The following RNF144B variants were observed in gnomAD, a reference collection of about 807,000 sequenced individuals.
RNF144B encodes the protein E3 ubiquitin-protein ligase RNF144B.
RNF144B carries 25 observed loss-of-function variants against 40.2 expected under a neutral mutation model. That is an observed-to-expected ratio of 0.62 (90% confidence interval 0.45 to 0.87). RNF144B has a LOEUF of 0.87. Ranked by LOEUF, RNF144B falls within the 40% of genes least tolerant of loss-of-function variation. RNF144B has a pLI of 0.00. For missense variants in RNF144B, 365 were observed against 373.7 expected, an observed-to-expected ratio of 0.98 and a Z score of 0.19; for synonymous variants, 145 against 136.3, an observed-to-expected ratio of 1.06 and a Z score of -0.44.
rs1162818357 is a variant in RNF144B at position 18,400,540 on chromosome 6, G to A, written c.165+841G>A. Among the ~76,000 whole-genome samples, 1 of 152,092 alleles carries A rather than the reference G, an allele frequency of 6.6e-6. No homozygotes were observed. The highest frequency in any genetic ancestry group is 1.5e-5 in the Non-Finnish European group (1 of 68,018). On this transcript the variant is annotated intron_variant, in intron 2 of 7. Coordinates refer to ENST00000259939, the MANE Select transcript of RNF144B (RefSeq NM_182757.4). This position sits in a 1 kb window ranked among gnomAD's most constrained non-coding sequence, Gnocchi z 5.6. ...TGCAGAAGTGGGCTTATCTCTTTTA[G>A]TGTGACACCTGGTATCAACACCTGT...
At chr6:18,429,860 C>T (rs36056149) in intron 3 of RNF144B, among the ~76,000 whole-genome samples, 18,261 of 152,036 alleles carry the variant, frequency 0.12, 1,311 homozygotes, top group Admixed American at 0.19. Context: ...CCAGGCTGGG[C>T]TGGAGAGGAG....
intron 2 of RNF144B, among the ~76,000 whole-genome samples, chr6:18,426,559 C>T (rs907665329): frequency 6.6e-6 from 1 of 152,212 alleles, no homozygotes; most frequent in African/African-American, 2.4e-5. Flanking sequence ...AACATCCAGA[C>T]ACAACAGGCA....
Position 18,419,174 on chromosome 6 carries a change from T to C in RNF144B, c.166-8407T>C, listed in dbSNP as rs1389111759. ...TGAATAGTAAGGCAGGCGAATGTTA[T>C]CTCTGAAGTTCCTTATCCTCTGTCC... On this transcript the variant is annotated intron_variant, in intron 2 of 7. Coordinates refer to ENST00000259939, the MANE Select transcript of RNF144B (RefSeq NM_182757.4). This position sits in a 1 kb window ranked among gnomAD's most constrained non-coding sequence, Gnocchi z 4.6. Among the ~76,000 whole-genome samples, 1 of 152,184 alleles carries C rather than the reference T, an allele frequency of 6.6e-6. No homozygotes were observed. Among genetic ancestry groups the C allele is most frequent in the African/African-American group, 2.4e-5 (1 of 41,454 alleles).
rs1433288568 is a variant in RNF144B, at chr6:18,410,867, TGTGTATG to T, written c.165+11170_165+11176del. The stretch of plus-strand genomic sequence containing the variant: ...AATGTCCTTATCAACTTAGGATACA[TGTGTATG>T]GCAGACTGCAGTTTTGATGCCTGGA... On this transcript the variant is annotated intron_variant, in intron 2 of 7. Coordinates refer to ENST00000259939, the MANE Select transcript of RNF144B (RefSeq NM_182757.4). The surrounding 1 kb of genome is among the most constrained non-coding windows in gnomAD (Gnocchi z 4.6). 6.6e-6 allele frequency among the ~76,000 whole-genome samples: 1 copy of T among 152,172 alleles called. No individual in the cohort carries two copies. Among genetic ancestry groups the T allele is most frequent in the Non-Finnish European group, 1.5e-5 (1 of 68,028 alleles).
chr6:18,448,688 G>GCACACACACACA lies in RNF144B; in HGVS notation c.332-8449_332-8438dup, dbSNP rs61128858. Among the ~76,000 whole-genome samples, 258 of 144,622 alleles carry GCACACACACACA rather than the reference G, an allele frequency of 1.8e-3. No homozygotes were observed. The highest frequency in any genetic ancestry group is 7.4e-3 in the Middle Eastern group (2 of 272). 94.9% of individuals were successfully genotyped at this position (144,622 alleles called of 152,430 possible). A position where few individuals can be genotyped will look rare whatever the true frequency, so the allele number is the denominator to read the frequency against. On this transcript the variant is annotated intron_variant, in intron 4 of 7. Transcript: ENST00000259939. The surrounding 1 kb of genome is among the most constrained non-coding windows in gnomAD (Gnocchi z 4.0). ...TCCATTTTATTTTGAAAGCCAGCATGCACACACACACACACACACACACAC... is the reference window on the plus strand; with the variant it reads ...TCCATTTTATTTTGAAAGCCAGCATGCACACACACACACACACACACACACACACACACACAC...
intron 1 of RNF144B, chr6:18,396,886 A>C (rs1389024189): frequency 1.1e-6 from 1 of 933,100 alleles, no homozygotes; most frequent in East Asian, 1.2e-4. Flanking sequence ...AAAACTCAAA[A>C]TCCTGAATTT....
chr6:18,390,814 A>G (rs1304334021), intron 1 of RNF144B, among the ~76,000 whole-genome samples: 1 of 152,222 alleles, frequency 6.6e-6, no homozygotes, highest in African/African-American at 2.4e-5. Context: ...GACTCTTAAT[A>G]AGTAGGAGCT....
Position 18,459,611 on chromosome 6 carries a change from C to G in RNF144B, c.541C>G (p.Leu181Val). The stretch of plus-strand genomic sequence containing the variant: ...TCTCATCCATTTTGTTTCTAGAGCC[C>G]TCTTTGGGACAGATGCAGAAGCCCC... ...PIVLPTEHRA[L>V]FGTDAEAPIK... The change falls in exon 6 of 8, where the codon CTC becomes GTC. Residue 181 changes from leucine to valine, a missense_variant. Coordinates refer to ENST00000259939, the MANE Select transcript of RNF144B (RefSeq NM_182757.4). The surrounding 1 kb of genome is among the most constrained non-coding windows in gnomAD (Gnocchi z 4.2). 1.2e-6 allele frequency: 2 copies of G among 1,612,660 alleles called. No individual in the cohort carries two copies. Among genetic ancestry groups the G allele is most frequent in the Non-Finnish European group, 1.7e-6 (2 of 1,179,064 alleles).
rs1362333930 is a variant in RNF144B, at chr6:18,405,174, A to ATTATTATTATTG, written c.165+5477_165+5478insATTATTATTGTT. On this transcript the variant is annotated intron_variant, in intron 2 of 7. Coordinates refer to ENST00000259939, the MANE Select transcript of RNF144B (RefSeq NM_182757.4). The surrounding 1 kb of genome is among the most constrained non-coding windows in gnomAD (Gnocchi z 4.5). ...CTTTATTATTATTATTATTATTATTATTGTTATTATTATTTTTGAGATGGA... is the reference window on the plus strand; with the variant it reads ...CTTTATTATTATTATTATTATTATTATTATTATTATTGTTGTTATTATTATTTTTGAGATGGA... 1.6e-3 allele frequency among the ~76,000 whole-genome samples: 235 copies of ATTATTATTATTG among 142,602 alleles called. 1 individual carries two copies. The highest frequency in any genetic ancestry group is 5.6e-3 in the African/African-American group (220 of 39,184). 93.6% of individuals were successfully genotyped at this position (142,602 alleles called of 152,430 possible). A position where few individuals can be genotyped will look rare whatever the true frequency, so the allele number is the denominator to read the frequency against.
chr6:18,425,232 C>G lies in RNF144B; in HGVS notation c.166-2349C>G, dbSNP rs1758522514. Among the ~76,000 whole-genome samples, 1 of 152,202 alleles carries G rather than the reference C, an allele frequency of 6.6e-6. No homozygotes were observed. Among genetic ancestry groups the G allele is most frequent in the Non-Finnish European group, 1.5e-5 (1 of 68,026 alleles). On this transcript the variant is annotated intron_variant, in intron 2 of 7. Transcript: ENST00000259939. This position sits in a 1 kb window ranked among gnomAD's most constrained non-coding sequence, Gnocchi z 4.2. ...GATCTGAAGTTCTTTGCATTGTTCA[C>G]TTTGTTTTCCTCAAACACCTTCCCC...
In RNF144B at chr6:18,468,385, T is replaced by G. The variant is rs557007677; in HGVS notation, c.*3318T>G. ...ATGGGTATTTGCTTTGGACTTGGAG[T>G]CTGTACTTTGAAAGAGGCCTTTGAA... On this transcript the variant is annotated 3_prime_UTR_variant, in exon 8 of 8. Coordinates refer to ENST00000259939, the MANE Select transcript of RNF144B (RefSeq NM_182757.4). 1.3e-5 allele frequency: 2 copies of G among 152,280 alleles called. No individual in the cohort carries two copies. The highest frequency in any genetic ancestry group is 4.8e-5 in the African/African-American group (2 of 41,536). 9.4% of individuals were successfully genotyped at this position (152,280 alleles called of 1,614,324 possible).
In RNF144B at chr6:18,400,681, A is replaced by G. The variant is rs1794787214; in HGVS notation, c.165+982A>G. 6.6e-6 allele frequency among the ~76,000 whole-genome samples: 1 copy of G among 152,212 alleles called. No individual in the cohort carries two copies. The highest frequency in any genetic ancestry group is 2.1e-4 in the South Asian group (1 of 4,830). ...CAGAATAGCATTGTTCATTTAATCA[A>G]CAAATATCTGTTGAGCAGGAACTAT... is the stretch of plus-strand genomic sequence containing the variant. On this transcript the variant is annotated intron_variant, in intron 2 of 7. Transcript: ENST00000259939. This position sits in a 1 kb window ranked among gnomAD's most constrained non-coding sequence, Gnocchi z 5.6.
At chr6:18,426,114 A>T (rs1758543752) in intron 2 of RNF144B, among the ~76,000 whole-genome samples, 1 of 152,232 alleles carries the variant, frequency 6.6e-6, no homozygotes, top group South Asian at 2.1e-4. Context: ...CAATTACATC[A>T]TCAATATTCT....
chr6:18,458,528 C>T lies in RNF144B; in HGVS notation c.537-1079C>T, dbSNP rs1759382353. 6.6e-6 allele frequency among the ~76,000 whole-genome samples: 1 copy of T among 152,102 alleles called. No individual in the cohort carries two copies. Among genetic ancestry groups the T allele is most frequent in the Non-Finnish European group, 1.5e-5 (1 of 68,016 alleles). On this transcript the variant is annotated intron_variant, in intron 5 of 7. Transcript: ENST00000259939. This position sits in a 1 kb window ranked among gnomAD's most constrained non-coding sequence, Gnocchi z 4.8. ...TGTGCCCTCTTAGCCGGATTCAAAC[C>T]ACTGTTGCCTACATTTTCGTGGCCA...
chr6:18,455,605 A>C (rs1385599772), intron 4 of RNF144B, among the ~76,000 whole-genome samples: 1 of 152,168 alleles, frequency 6.6e-6, no homozygotes, highest in Non-Finnish European at 1.5e-5. Flanking sequence ...AAATTTTGCA[A>C]AATACCTGAG....
chr6:18,452,826 C>G (rs1748289302), intron 4 of RNF144B, among the ~76,000 whole-genome samples: 1 of 151,962 alleles, frequency 6.6e-6, no homozygotes, highest in African/African-American at 2.4e-5. Flanking sequence ...TCTCTGTTAC[C>G]TAGGCTGGAG....
intron 1 of RNF144B, among the ~76,000 whole-genome samples, chr6:18,390,526 A>G (rs963616938): frequency 3.9e-5 from 6 of 152,250 alleles, no homozygotes; most frequent in African/African-American, 1.4e-4. Context: ...TAAGTGAAAT[A>G]GACTTTTCTT....
rs979333367 is a variant in RNF144B, at chr6:18,443,517, T to G, written c.331+3773T>G. On this transcript the variant is annotated intron_variant, in intron 4 of 7. Transcript: ENST00000259939. The surrounding 1 kb of genome is among the most constrained non-coding windows in gnomAD (Gnocchi z 4.7). ...CTCAAGTGATCCACCCACCTCGGCC[T>G]CCCAAAGTTCTGGGATTACAGGTGT... 1.4e-4 allele frequency among the ~76,000 whole-genome samples: 21 copies of G among 152,294 alleles called. No homozygotes were observed. Among genetic ancestry groups the G allele is most frequent in the African/African-American group, 5.1e-4 (21 of 41,566 alleles).
Position 18,399,495 on chromosome 6 carries a change from A to G in RNF144B, c.-36-4A>G, listed in dbSNP as rs773680208. ...AATATTTTCTGCTTTGGACCTTTCT[A>G]TAGGGATTGAGGAGACTGAAGAATG... On this transcript the variant is annotated splice_region_variant and splice_polypyrimidine_tract_variant and intron_variant, in intron 1 of 7. Transcript: ENST00000259939. 6.2e-6 allele frequency: 10 copies of G among 1,604,104 alleles called. No homozygotes were observed. The highest frequency in any genetic ancestry group is 7.7e-6 in the Non-Finnish European group (9 of 1,173,236).
Sources: allele counts gnomAD v4.1 joint callset (sites outside exome capture counted in the v4.1 genomes callset), GRCh38; gene constraint gnomAD v4.1.1; non-coding constraint Gnocchi (gnomAD v3.1); transcripts MANE v1.5; gene names NCBI Gene and HGNC (gene_info 2026-07-23, HGNC 2026-07-21).